Variants in ZNF248 observed in about 807,000 individuals in gnomAD.
The protein encoded by ZNF248 is zinc finger protein 248, also known as KRAB protein domain.
ZNF248 carries 20 observed loss-of-function variants against 44.3 expected under a neutral mutation model. The observed-to-expected ratio is 0.45, with a 90% CI of 0.32 to 0.66. The LOEUF is 0.66. Among genes scored for constraint, ZNF248 ranks in the 30% least tolerant of loss-of-function variants. ZNF248 has a pLI of 0.04. For synonymous variants in ZNF248, 224 were observed against 229.0 expected, an observed-to-expected ratio of 0.98 and a Z score of 0.20; for missense variants, 654 against 677.0, an observed-to-expected ratio of 0.97 and a Z score of 0.38.
At chr10:37,855,477 G>A (rs922459937) in intron 3 of ZNF248, among the ~76,000 whole-genome samples, 12 of 152,134 alleles carry the variant, frequency 7.9e-5, no homozygotes, top group East Asian at 7.7e-4. Context: ...AAAACAGACC[G>A]AGAAGAACCT....
At chr10:37,825,841 T>C (rs972112025), downstream of ZNF248, among the ~76,000 whole-genome samples, 2 of 147,800 alleles carry the variant, frequency 1.4e-5, no homozygotes, top group Admixed American at 6.8e-5. Context: ...ATCCAGAGAG[T>C]AGACTCTGAG....
At chr10:37,819,443 T>G (rs936582984) in intron 6 of ZNF248, 2 of 1,576,940 alleles carry the variant, frequency 1.3e-6, no homozygotes, top group Admixed American at 1.7e-5. Context: ...ATTTAACTGG[T>G]GAATTTTCAC....
downstream of ZNF248, among the ~76,000 whole-genome samples, chr10:37,776,026 C>A (rs1391844412): frequency 6.6e-6 from 1 of 152,154 alleles, no homozygotes; most frequent in Non-Finnish European, 1.5e-5. Flanking sequence ...GACACAGACA[C>A]CCCTACTCTC....
chr10:37,799,570 A>G (rs2049551844), intron 6 of ZNF248, among the ~76,000 whole-genome samples: 1 of 152,076 alleles, frequency 6.6e-6, no homozygotes, highest in African/African-American at 2.4e-5. Flanking sequence ...AAAAAAGAAA[A>G]ATTCCAGTGT....
intron 6 of ZNF248, among the ~76,000 whole-genome samples, chr10:37,780,624 C>T (rs1385957494): frequency 6.6e-6 from 1 of 152,210 alleles, no homozygotes; most frequent in East Asian, 1.9e-4. Flanking sequence ...GGCGTAGGGA[C>T]TAATTCACAC....
At chr10:37,791,186 C>T (rs1244619575) in intron 6 of ZNF248, among the ~76,000 whole-genome samples, 1 of 150,318 alleles carries the variant, frequency 6.7e-6, no homozygotes, top group East Asian at 2.0e-4. Flanking sequence ...AGACTGCAGG[C>T]ACCCGCCACC....
At chr10:37,761,795 C>T in the ZNF248 span, among the ~76,000 whole-genome samples, 2 of 152,192 alleles carry the variant, frequency 1.3e-5, no homozygotes. Context: ...AAACCACCTT[C>T]AGCTCTAAGA....
At chr10:37,791,887 C>T (rs1564474171) in intron 6 of ZNF248, 2 of 152,062 alleles carry the variant, frequency 1.3e-5, no homozygotes, top group Non-Finnish European at 2.9e-5. Context: ...TTACATAGAC[C>T]ACATACGCAA....
chr10:37,833,307 G>C (rs1170299758), intron 5 of ZNF248, among the ~76,000 whole-genome samples, 191 bp from the exon 6 acceptor site: 4 of 152,144 alleles, frequency 2.6e-5, no homozygotes, highest in Non-Finnish European at 4.4e-5. Flanking sequence ...ACATGCTTCA[G>C]TGGAAACAGG....
At chr10:37,773,622 G>T (rs1171771149), downstream of ZNF248, among the ~76,000 whole-genome samples, 2 of 152,122 alleles carry the variant, frequency 1.3e-5, no homozygotes, top group South Asian at 4.1e-4. Context: ...AACAGGGTTG[G>T]TTTCTTCTGA....
intron 6 of ZNF248, among the ~76,000 whole-genome samples, chr10:37,789,420 AG>A (rs1186526963): frequency 2.0e-5 from 3 of 152,176 alleles, no homozygotes; most frequent in Admixed American, 6.5e-5. Context: ...AGAGCTCAAA[AG>A]GTGTCTGCTG....
chr10:37,826,438 T>G (rs566428294), downstream of ZNF248, among the ~76,000 whole-genome samples: 1 of 152,336 alleles, frequency 6.6e-6, no homozygotes, highest in South Asian at 2.1e-4. Flanking sequence ...TCCATGTTGT[T>G]TCATGGTTAA....
chr10:37,769,361 C>T, the ZNF248 span, among the ~76,000 whole-genome samples: 2 of 152,106 alleles, frequency 1.3e-5, no homozygotes, highest in Non-Finnish European at 2.9e-5. Flanking sequence ...AATATTGATG[C>T]AAAAATCCTC....
chr10:37,761,185 A>G, the ZNF248 span, among the ~76,000 whole-genome samples: 1 of 152,012 alleles, frequency 6.6e-6, no homozygotes, highest in African/African-American at 2.4e-5. Flanking sequence ...AAACCCACAG[A>G]CTCTTATTGG....
At chr10:37,850,041 A>C (rs2059972462) in intron 3 of ZNF248, among the ~76,000 whole-genome samples, 1 of 152,318 alleles carries the variant, frequency 6.6e-6, no homozygotes, top group East Asian at 1.9e-4. Flanking sequence ...ACTGCACCCC[A>C]GCCTGGGTGA....
At chr10:37,787,078 G>A (rs2047966059) in intron 6 of ZNF248, among the ~76,000 whole-genome samples, 1 of 152,058 alleles carries the variant, frequency 6.6e-6, no homozygotes, top group Non-Finnish European at 1.5e-5. Context: ...AGGAGATCCA[G>A]ACCTTCCTGA....
intron 5 of ZNF248, among the ~76,000 whole-genome samples, chr10:37,836,756 A>G (rs892599078): frequency 8.1e-5 from 11 of 136,270 alleles, no homozygotes; most frequent in African/African-American, 3.1e-4. Flanking sequence ...ACATATATAC[A>G]AACACACAGA....
intron 6 of ZNF248, chr10:37,791,981 G>T (rs1174270495): frequency 2.0e-5 from 3 of 152,234 alleles, no homozygotes; most frequent in Non-Finnish European, 1.5e-5. Context: ...GGCAGCATGA[G>T]TAGCTGGGAT....
rs2055326731 is a variant in ZNF248, at chr10:37,830,472, A to G, written c.*1143T>C. 4.1e-6 allele frequency: 4 copies of G among 985,450 alleles called. No individual in the cohort carries two copies. Among genetic ancestry groups the G allele is most frequent in the Middle Eastern group, 5.2e-4 (1 of 1,914 alleles). The allele number at this position is 985,450 out of a possible 1,614,324, so 61.0% of individuals were successfully genotyped here. On this transcript the variant is annotated 3_prime_UTR_variant, in exon 6 of 6. Transcript: ENST00000395867. ...TTTAGAGTAGGACAGATTCAGAGGT[A>G]GTTAAAAACCTCACGGAAATATTTT...
Sources: gnomAD v4.1 joint callset for allele counts (sites outside exome capture counted in the v4.1 genomes callset) on GRCh38, gnomAD v4.1.1 for gene constraint, MANE v1.5 for transcripts, NCBI Gene and HGNC (gene_info 2026-07-23, HGNC 2026-07-21) for gene names.